GTF2IRD1: variants seen among roughly 807,000 people sequenced by gnomAD.
The protein encoded by GTF2IRD1 is general transcription factor II-I repeat domain-containing protein 1.
Under a neutral mutation model 113.2 loss-of-function variants are expected in GTF2IRD1, and 26 were observed. The ratio of observed to expected loss-of-function variants is 0.23; its 90% confidence interval spans 0.17 to 0.32. The LOEUF (loss-of-function observed/expected upper bound fraction) is 0.32. Ranked by LOEUF, GTF2IRD1 falls within the 10% of genes least tolerant of loss-of-function variation. The pLI, the probability that GTF2IRD1 is intolerant of heterozygous loss-of-function variation, is 1.00. For synonymous variants in GTF2IRD1, 484 were observed against 529.1 expected (o/e 0.91, Z 1.17); for missense variants, 864 against 1,280.8 (o/e 0.67, Z 4.97).
chr7:74,590,863 T>C lies in GTF2IRD1; in HGVS notation c.2437T>C (p.Tyr813His). ...LGLNRPVLVP[Y>H]KLIRDSPDAV... ...CCTGAACCGGCCGGTGCTGGTCCCT[T>C]ATAAACTAATCCGGGACAGCCCAGA... Residue 813 changes from tyrosine (Y) to histidine (H), a missense_variant, in exon 24 of 27, where the codon TAT becomes CAT. Tyr to His is a moderately conservative substitution (Grantham distance 83). This residue lies in a region of GTF2IRD1 where 195 missense variants were observed against 359.1 expected (regional missense o/e 0.54). Coordinates refer to ENST00000424337, the MANE Select transcript of GTF2IRD1 (RefSeq NM_005685.4). 1 of 1,613,516 alleles carries C rather than the reference T, an allele frequency of 6.2e-7. No homozygotes were observed. The highest frequency in any genetic ancestry group is 8.5e-7 in the Non-Finnish European group (1 of 1,179,728).
chr7:74,482,177 T>C (rs1283059347), intron 1 of GTF2IRD1, among the ~76,000 whole-genome samples: 1 of 152,126 alleles, frequency 6.6e-6, no homozygotes, highest in Non-Finnish European at 1.5e-5. Context: ...TGTTTGTTTT[T>C]TTCTGTCATC....
intron 1 of GTF2IRD1, among the ~76,000 whole-genome samples, chr7:74,481,595 G>A (rs1794744801): frequency 6.6e-6 from 1 of 152,294 alleles, no homozygotes; most frequent in Admixed American, 6.5e-5. Context: ...TGAGATGCAC[G>A]GTCTGGAGTT....
chr7:74,565,142 C>T (rs781987218), intron 22 of GTF2IRD1, among the ~76,000 whole-genome samples: 2 of 152,160 alleles, frequency 1.3e-5, no homozygotes, highest in African/African-American at 2.4e-5. Context: ...AACCCACGCT[C>T]GACCCTGGGG....
chr7:74,579,790 C>T (rs1399567259), intron 22 of GTF2IRD1, among the ~76,000 whole-genome samples: 3 of 151,990 alleles, frequency 2.0e-5, no homozygotes, highest in Non-Finnish European at 4.4e-5. Context: ...GTTGCCCAGG[C>T]TACATTTTTT....
intron 17 of GTF2IRD1, among the ~76,000 whole-genome samples, chr7:74,549,751 T>G (rs1799184036): frequency 6.6e-6 from 1 of 151,344 alleles, no homozygotes; most frequent in Non-Finnish European, 1.5e-5. Flanking sequence ...ATACAAAAAT[T>G]AAGGCCGGGT....
intron 8 of GTF2IRD1, among the ~76,000 whole-genome samples, chr7:74,526,586 C>A (rs1215761825): frequency 6.6e-6 from 1 of 152,120 alleles, no homozygotes; most frequent in African/African-American, 2.4e-5. Flanking sequence ...GGTGAGGGGC[C>A]GAGGAGGGTG....
rs1554350669 is a variant in GTF2IRD1 at position 74,538,154 on chromosome 7, G to A, written c.1428G>A (p.Met476Ile). 9 of 1,612,498 alleles carry A rather than the reference G, an allele frequency of 5.6e-6. No homozygotes were observed. The highest frequency in any genetic ancestry group is 7.6e-6 in the Non-Finnish European group (9 of 1,179,852). The change falls in exon 12 of 27, where the codon ATG (methionine) becomes ATA (isoleucine). Residue 476 changes from methionine to isoleucine, a missense_variant. This residue lies in a region of GTF2IRD1 where 218 missense variants were observed against 352.6 expected (regional missense o/e 0.62). Transcript: ENST00000424337. ...AGNARSDKGS[M>I]SEDCGPGTSG... The stretch of plus-strand genomic sequence containing the variant: ...TTCACAGGTCAGACAAGGGCAGCAT[G>A]TCTGAAGACTGTGGGCCAGGTGAGA...
intron 24 of GTF2IRD1, among the ~76,000 whole-genome samples, chr7:74,592,867 C>T (rs1305275964): frequency 6.6e-6 from 1 of 151,822 alleles, no homozygotes; most frequent in Non-Finnish European, 1.5e-5. Flanking sequence ...TTTGTTTCTT[C>T]GTTTTTTTGA....
intron 14 of GTF2IRD1, among the ~76,000 whole-genome samples, chr7:74,541,840 G>A (rs184077884): frequency 1.4e-3 from 220 of 152,254 alleles, no homozygotes; most frequent in African/African-American, 5.2e-3. Context: ...GGCAGAGGTT[G>A]CAGTGAGCCA....
At chr7:74,507,928 T>TA (rs1796389001) in intron 1 of GTF2IRD1, 147 bp from the exon 2 acceptor site, 4 of 812,436 alleles carry the variant, frequency 4.9e-6, no homozygotes. Flanking sequence ...CCATCACACA[T>TA]AAAGCCCTTG....
chr7:74,590,644 GC>G (rs1554369232), intron 23 of GTF2IRD1, among the ~76,000 whole-genome samples, 180 bp from the exon 24 acceptor site: 1 of 152,146 alleles, frequency 6.6e-6, no homozygotes, highest in African/African-American at 2.4e-5. Flanking sequence ...TCCTGCCTCA[GC>G]CTCCCAAAGT....
intron 1 of GTF2IRD1, among the ~76,000 whole-genome samples, chr7:74,475,106 G>A (rs1465179747): frequency 6.6e-6 from 1 of 152,058 alleles, no homozygotes; most frequent in Admixed American, 6.6e-5. Flanking sequence ...AATAAAATAA[G>A]TAGCTGGACA....
chr7:74,509,476 C>T (rs935492067), intron 2 of GTF2IRD1, among the ~76,000 whole-genome samples: 5 of 150,370 alleles, frequency 3.3e-5, no homozygotes, highest in East Asian at 4.1e-4. Context: ...GAGGTTGCAG[C>T]GAACCGAGAT....
intron 1 of GTF2IRD1, among the ~76,000 whole-genome samples, chr7:74,482,160 G>A (rs1794776214): frequency 1.3e-5 from 2 of 149,840 alleles, no homozygotes; most frequent in Admixed American, 1.3e-4. Context: ...CAGTTTTGCT[G>A]TTTGTTTGTT....
intron 15 of GTF2IRD1, among the ~76,000 whole-genome samples, chr7:74,545,088 A>C (rs1554352850): frequency 6.6e-6 from 1 of 152,144 alleles, no homozygotes. Context: ...GCTTTGCGCA[A>C]AGGTTTTAAG....
chr7:74,491,311 CTTTT>C (rs1178298791), intron 1 of GTF2IRD1, among the ~76,000 whole-genome samples: 8 of 95,710 alleles, frequency 8.4e-5, no homozygotes, highest in African/African-American at 1.6e-4. Flanking sequence ...AAAAAAAATT[CTTTT>C]TTTTTTTTTT....
At chr7:74,468,014 G>A (rs1793829291) in intron 1 of GTF2IRD1, among the ~76,000 whole-genome samples, 2 of 152,230 alleles carry the variant, frequency 1.3e-5, no homozygotes, top group Non-Finnish European at 2.9e-5. Flanking sequence ...ACATTCCTGA[G>A]GCCACCGGCG....
intron 22 of GTF2IRD1, among the ~76,000 whole-genome samples, chr7:74,568,572 C>T (rs1405492691): frequency 3.3e-5 from 5 of 151,916 alleles, no homozygotes; most frequent in African/African-American, 2.4e-5. Flanking sequence ...GGCGTGAACC[C>T]GGGAGGCGGA....
intron 20 of GTF2IRD1, 87 bp downstream of exon 20, chr7:74,557,809 T>C: frequency 1.3e-6 from 1 of 798,310 alleles, no homozygotes; most frequent in Non-Finnish European, 2.1e-6. Flanking sequence ...CGAGGGCATT[T>C]CTGGGGAAAC....
Sources: allele counts gnomAD v4.1 joint callset (sites outside exome capture counted in the v4.1 genomes callset), GRCh38; gene constraint gnomAD v4.1.1; regional missense constraint gnomAD v4.1.1; transcripts MANE v1.5; gene names NCBI Gene and HGNC (gene_info 2026-07-23, HGNC 2026-07-21).